Variants in USP39 observed in about 807,000 individuals in gnomAD.
The protein encoded by USP39 is ubiquitin carboxyl-terminal hydrolase 39.
Under a neutral mutation model 66.4 loss-of-function variants are expected in USP39, and 38 were observed. The ratio of observed to expected loss-of-function variants is 0.57; its 90% CI spans 0.44 to 0.75. The LOEUF (loss-of-function observed/expected upper bound fraction) is 0.75. USP39 is among the 30% of genes least tolerant of loss of function. The pLI is 0.00. For synonymous variants in USP39, 303 were observed against 274.6 expected, an observed-to-expected ratio of 1.10 and a Z score of -1.02; for missense variants, 608 against 714.4, an observed-to-expected ratio of 0.85 and a Z score of 1.70.
rs765685789 is a variant in USP39 at position 85,616,475 on chromosome 2, C to T, written c.268+12C>T. 1 of 1,346,492 alleles carries T rather than the reference C, an allele frequency of 7.4e-7. No individual in the cohort carries two copies. The highest frequency in any genetic ancestry group is 9.8e-7 in the Non-Finnish European group (1 of 1,022,922). The allele number at this position is 1,346,492 out of a possible 1,614,324, so 83.4% of individuals were successfully genotyped here. A position where few individuals can be genotyped will look rare whatever the true frequency, so the allele number is the denominator to read the frequency against. ...GCGGGAGGTGCGAGGTGCGCGGGGC[C>T]GGGCCGGGCTAGGCGCGAGAGCCTG... On this transcript the variant is annotated intron_variant, in intron 1 of 12. Coordinates refer to ENST00000323701, the MANE Select transcript of USP39 (RefSeq NM_006590.4).
chr2:85,640,378 T>G (rs1179025913), intron 9 of USP39, among the ~76,000 whole-genome samples: 1 of 150,918 alleles, frequency 6.6e-6, no homozygotes, highest in African/African-American at 2.4e-5. Context: ...AACCTCCACC[T>G]CCCGGGTTCA....
upstream of USP39, chr2:85,609,439 T>C (rs772937056): frequency 3.7e-6 from 6 of 1,614,028 alleles, no homozygotes; most frequent in East Asian, 2.2e-5. Context: ...GCGTACCTGA[T>C]AGACGATAAC....
chr2:85,639,191 A>T lies in USP39; in HGVS notation c.1096-12A>T, dbSNP rs371109644. ...CACTCCTTTCCTCTCTTTTCTTCTC[A>T]TTCATTTCTAGCCAGCAGAAGAAAA... is the stretch of plus-strand genomic sequence containing the variant. On this transcript the variant is annotated splice_polypyrimidine_tract_variant and intron_variant, in intron 8 of 12. Coordinates refer to ENST00000323701, the MANE Select transcript of USP39 (RefSeq NM_006590.4). The T allele has an allele frequency of 2.5e-6, 4 of 1,607,738 alleles. No homozygotes were observed. Among genetic ancestry groups the T allele is most frequent in the Admixed American group, 1.7e-5 (1 of 59,230 alleles).
At chr2:85,604,054 G>C (rs951336044) in intron 1 of USP39, among the ~76,000 whole-genome samples, 1 of 152,162 alleles carries the variant, frequency 6.6e-6, no homozygotes, top group Non-Finnish European at 1.5e-5. Flanking sequence ...AGCGTGGGGA[G>C]CTGAAGTTTG....
At chr2:85,607,327 G>C (rs188008909), upstream of USP39, 15 of 152,316 alleles carry the variant, frequency 9.8e-5, no homozygotes, top group African/African-American at 3.4e-4. Flanking sequence ...CTTGACCCAG[G>C]AGGCTTTGGA....
upstream of USP39, among the ~76,000 whole-genome samples, chr2:85,612,748 C>T (rs953243229): frequency 6.6e-6 from 1 of 152,010 alleles, no homozygotes; most frequent in South Asian, 2.1e-4. Flanking sequence ...GCAACCTCCG[C>T]CTCCCGGGTT....
At chr2:85,639,732 C>T in intron 9 of USP39, 1 of 183,428 alleles carries the variant, frequency 5.5e-6, no homozygotes, top group Admixed American at 5.7e-5. Flanking sequence ...CAGGCGTGGG[C>T]CACCACACCT....
At chr2:85,648,075 G>C in intron 12 of USP39, 59 bp downstream of exon 12, 11 of 1,576,678 alleles carry the variant, frequency 7.0e-6, no homozygotes, top group Non-Finnish European at 9.6e-6. Flanking sequence ...CCAGTGAGAG[G>C]AGTGGGCCAA....
intron 8 of USP39, among the ~76,000 whole-genome samples, chr2:85,638,249 T>C (rs960601718): frequency 2.0e-5 from 3 of 151,988 alleles, no homozygotes; most frequent in Non-Finnish European, 2.9e-5. Flanking sequence ...CTCAAACTCC[T>C]GACCTTAGGT....
intron 9 of USP39, 104 bp downstream of exon 9, chr2:85,639,495 C>T (rs1407539890): frequency 8.5e-6 from 11 of 1,293,112 alleles, no homozygotes; most frequent in Non-Finnish European, 1.1e-5. Flanking sequence ...GCTCTTGTCG[C>T]CCAGGCTGGA....
Position 85,625,631 on chromosome 2 carries a change from G to A in USP39, c.663G>A (p.Leu221=). The A allele has an allele frequency of 1.2e-6, 2 of 1,614,034 alleles. No individual in the cohort carries two copies. The highest frequency in any genetic ancestry group is 1.3e-5 in the African/African-American group (1 of 75,038). ...GGGCATATGATGGTACCACTTACCT[G>A]CCGGGTATTGTGGGACTGAATAACA... ...LSRAYDGTTY[L]PGIVGLNNIK... is the part of the protein sequence containing the mutation. Residue 221 remains leucine, a synonymous_variant, in exon 5 of 13, where the codon CTG becomes CTA. Coordinates refer to ENST00000323701, the MANE Select transcript of USP39 (RefSeq NM_006590.4).
chr2:85,617,731 C>T (rs1674105540), intron 1 of USP39, among the ~76,000 whole-genome samples: 1 of 152,192 alleles, frequency 6.6e-6, no homozygotes, highest in South Asian at 2.1e-4. Flanking sequence ...GGGTTCTCCT[C>T]ACTTTGCCTT....
chr2:85,631,012 TG>T, intron 6 of USP39, 66 bp downstream of exon 6: 1 of 1,533,574 alleles, frequency 6.5e-7, no homozygotes, highest in Admixed American at 1.9e-5. Context: ...TATTTCCACT[TG>T]GCAGTGAATT....
At chr2:85,644,094 T>C (rs1435634531) in intron 10 of USP39, among the ~76,000 whole-genome samples, 1 of 152,248 alleles carries the variant, frequency 6.6e-6, no homozygotes, top group Non-Finnish European at 1.5e-5. Context: ...GTTTGTTTAT[T>C]ACCACATGGT....
chr2:85,636,171 T>C, intron 7 of USP39, 41 bp downstream of exon 7: 1 of 1,598,990 alleles, frequency 6.3e-7, no homozygotes, highest in Non-Finnish European at 8.6e-7. Flanking sequence ...TTTGTTCCCT[T>C]TTAAAAAACT....
Position 85,640,185 on chromosome 2 carries a change from G to A in USP39, c.1285-791G>A, listed in dbSNP as rs569642213. Among the ~76,000 whole-genome samples the A allele has an allele frequency of 2.0e-5, 3 of 151,780 alleles. No homozygotes were observed. In the South Asian group the frequency reaches 6.3e-4, roughly 32 times the overall value. On this transcript the variant is annotated intron_variant, in intron 9 of 12. Coordinates refer to ENST00000323701, the MANE Select transcript of USP39 (RefSeq NM_006590.4). ...CTGCCCAACCACAGTGCCCCCTCTTGTACTTCTCATATATCCTGTTTTCAG... is the reference window on the plus strand; with the variant it reads ...CTGCCCAACCACAGTGCCCCCTCTTATACTTCTCATATATCCTGTTTTCAG...
intron 3 of USP39, among the ~76,000 whole-genome samples, chr2:85,622,941 A>G (rs886652026): frequency 6.6e-6 from 1 of 152,242 alleles, no homozygotes; most frequent in African/African-American, 2.4e-5. Flanking sequence ...CAAGGTTGAC[A>G]TGTAAAACAA....
At position 85,622,172 on chromosome 2, in the gene USP39, G is replaced by A. The variant is rs141417914; in HGVS notation, c.433+593G>A. 5.8e-4 allele frequency among the ~76,000 whole-genome samples: 86 copies of A among 148,154 alleles called. 1 individual carries two copies. Among genetic ancestry groups the A allele is most frequent in the African/African-American group, 2.1e-3 (86 of 40,016 alleles). ...GTCTCACTCTGTCACCCAGGCTGCAGTGCAGTGACGTGATCTTGGCTCACT... is the reference window on the plus strand; with the variant it reads ...GTCTCACTCTGTCACCCAGGCTGCAATGCAGTGACGTGATCTTGGCTCACT... On this transcript the variant is annotated intron_variant, in intron 3 of 12. Transcript: ENST00000323701.
At chr2:85,611,963 G>A (rs1673576749), upstream of USP39, 4 of 1,546,034 alleles carry the variant, frequency 2.6e-6, no homozygotes, top group Non-Finnish European at 1.7e-6. Flanking sequence ...TGCCCCGGCC[G>A]GGGATGCGGC....
Sources: gnomAD v4.1 joint callset for allele counts (sites outside exome capture counted in the v4.1 genomes callset) on GRCh38, gnomAD v4.1.1 for gene constraint, MANE v1.5 for transcripts, NCBI Gene and HGNC (gene_info 2026-07-23, HGNC 2026-07-21) for gene names.